Variants in SYNE2 observed in about 807,000 individuals in gnomAD.
The protein encoded by SYNE2 is nesprin-2.
A neutral mutation model predicts 856.3 loss-of-function variants in SYNE2; 431 were observed. The observed-to-expected ratio is 0.50, with a 90% CI of 0.47 to 0.55. SYNE2 has a LOEUF of 0.55. Among genes scored for constraint, SYNE2 ranks in the 20% least tolerant of loss-of-function variants. The pLI, the probability that SYNE2 is intolerant of heterozygous loss-of-function variation, is 0.00. For synonymous variants in SYNE2, 2,923 were observed against 2,872.3 expected (o/e 1.02, Z -0.56); for missense variants, 8,129 against 8,023.2 (o/e 1.01, Z -0.50).
In SYNE2 at chr14:64,126,430, T is replaced by C. The variant is rs752991102; in HGVS notation, c.13658T>C (p.Met4553Thr). The change falls in exon 72 of 116, where the codon ATG becomes ACG. Residue 4553 changes from methionine to threonine, a missense_variant. Met to Thr is a moderately conservative substitution (Grantham distance 81, BLOSUM62 -1). Transcript: ENST00000555002. ...CLSSVEEMLE[M>T]PRLYREDGSG... ...AGCAGTGTGGAGGAGATGCTGGAGA[T>C]GCCCAGACTTTACAGGGAGGATGGT... 1 of 1,614,162 alleles carries C rather than the reference T, an allele frequency of 6.2e-7. No individual in the cohort carries two copies. Among genetic ancestry groups the C allele is most frequent in the South Asian group, 1.1e-5 (1 of 91,088 alleles).
intron 1 of SYNE2, among the ~76,000 whole-genome samples, chr14:63,844,554 A>G (rs888632548): frequency 5.3e-5 from 8 of 152,236 alleles, no homozygotes; most frequent in African/African-American, 1.7e-4. Context: ...GATTACATAA[A>G]GTATTTTTAA....
At chr14:64,049,487 T>G in intron 46 of SYNE2, 124 bp from the exon 47 acceptor site, 1 of 750,088 alleles carries the variant, frequency 1.3e-6, no homozygotes, top group Non-Finnish European at 2.2e-6. Flanking sequence ...TTAGTTACCC[T>G]GTGTGCAAAT....
intron 64 of SYNE2, 44 bp downstream of exon 64, chr14:64,102,086 C>T (rs1567304154): frequency 1.5e-6 from 2 of 1,310,274 alleles, no homozygotes; most frequent in Non-Finnish European, 1.1e-6. Flanking sequence ...TACGAGGGCC[C>T]AGGGGGGAGC....
chr14:64,203,099 G>C, intron 100 of SYNE2, 136 bp downstream of exon 100: 4 of 1,144,156 alleles, frequency 3.5e-6, no homozygotes, highest in Non-Finnish European at 3.8e-6. Flanking sequence ...AGAGAAAACT[G>C]ACCACCTTTC....
At position 64,121,097 on chromosome 14, in the gene SYNE2, T is replaced by C; in HGVS notation, c.13158+36T>C. 5 of 1,613,108 alleles carry C rather than the reference T, an allele frequency of 3.1e-6. No individual in the cohort carries two copies. In the South Asian group the frequency reaches 4.4e-5, roughly 14 times the overall value. ...CCCCCAACAGTTGTAGGGACTAGAATATAACTTTTTAACCAGGCAAGGTGG... is the reference window on the plus strand; with the variant it reads ...CCCCCAACAGTTGTAGGGACTAGAACATAACTTTTTAACCAGGCAAGGTGG... On this transcript the variant is annotated intron_variant, in intron 68 of 115. Transcript: ENST00000555002.
intron 99 of SYNE2, among the ~76,000 whole-genome samples, chr14:64,199,063 T>C (rs1297360846): frequency 6.6e-6 from 1 of 152,196 alleles, no homozygotes; most frequent in Non-Finnish European, 1.5e-5. Context: ...AAGAAAATCA[T>C]GGAGGGGAAA....
At chr14:63,837,369 T>C (rs964382658) in intron 1 of SYNE2, among the ~76,000 whole-genome samples, 6 of 152,208 alleles carry the variant, frequency 3.9e-5, no homozygotes, top group African/African-American at 1.4e-4. Context: ...GTGTATATCT[T>C]TGTGACTTTG....
At chr14:64,040,963 G>C (rs1454392389) in intron 45 of SYNE2, among the ~76,000 whole-genome samples, 1 of 151,916 alleles carries the variant, frequency 6.6e-6, no homozygotes, top group African/African-American at 2.4e-5. Context: ...GAATCTTAAA[G>C]GCAACTAGAG....
chr14:64,082,041 G>T (rs565401445), intron 57 of SYNE2, among the ~76,000 whole-genome samples: 1 of 151,514 alleles, frequency 6.6e-6, no homozygotes, highest in African/African-American at 2.4e-5. Flanking sequence ...AGCCGAGATC[G>T]CACCACTGCA....
At chr14:63,974,894 A>ATATATATGTG (rs1724747051) in intron 11 of SYNE2, among the ~76,000 whole-genome samples, 1 of 22,644 alleles carries the variant, frequency 4.4e-5, no homozygotes, top group African/African-American at 2.3e-4. Flanking sequence ...GTGTGTGTGT[A>ATATATATGTG]TATATATATA....
intron 6 of SYNE2, among the ~76,000 whole-genome samples, chr14:63,945,106 T>C (rs1360381381): frequency 4.2e-4 from 6 of 14,414 alleles, no homozygotes; most frequent in Admixed American, 8.6e-4. Flanking sequence ...CACCTGGCCT[T>C]TTTTTTTTTT....
intron 21 of SYNE2, 41 bp from the exon 22 acceptor site, chr14:63,993,794 G>T (rs762927806): frequency 6.4e-7 from 1 of 1,571,806 alleles, no homozygotes; most frequent in East Asian, 2.3e-5. Context: ...GCAGTAGAAT[G>T]AGGCTTTTAT....
At position 64,212,047 on chromosome 14, in the gene SYNE2, C is replaced by T. The variant is rs750950612; in HGVS notation, c.18810C>T (p.Asn6270=). 1.8e-5 allele frequency: 29 copies of T among 1,614,038 alleles called. No individual in the cohort carries two copies. In the South Asian group the frequency reaches 2.0e-4, roughly 11 times the overall value. The change falls in exon 104 of 116, where the codon AAC becomes AAT. Residue 6270 remains asparagine (N), a synonymous_variant. Transcript: ENST00000555002. ...CAGAGATGGACCTGCAGCTGACCAA[C>T]GTGGAGCACTTCTCAGAGAGTGACG... ...WLTEMDLQLT[N]VEHFSESDAD... is the part of the protein sequence containing the mutation.
At chr14:64,147,886 G>C (rs908636762) in intron 84 of SYNE2, among the ~76,000 whole-genome samples, 1 of 152,204 alleles carries the variant, frequency 6.6e-6, no homozygotes, top group Non-Finnish European at 1.5e-5. Context: ...AAGGCAACAG[G>C]CTATGCCCAG....
At chr14:64,072,965 T>TGGAAGAGGTGCCTAAGGCATGGTATA (rs1480190115) in intron 52 of SYNE2, among the ~76,000 whole-genome samples, 5 of 152,076 alleles carry the variant, frequency 3.3e-5, no homozygotes, top group African/African-American at 1.2e-4. Flanking sequence ...AACAGCCAGA[T>TGGAAGAGGTGCCTAAGGCATGGTATA]GGAAGAGGTG....
chr14:64,164,726 G>A (rs945763742), intron 89 of SYNE2, among the ~76,000 whole-genome samples: 3 of 152,176 alleles, frequency 2.0e-5, no homozygotes, highest in Non-Finnish European at 4.4e-5. Context: ...GGTCTCCTCA[G>A]GCGGGTGATC....
Position 64,087,779 on chromosome 14 carries a change from C to G in SYNE2, c.11593C>G (p.Gln3865Glu). 6.2e-7 allele frequency: 1 copy of G among 1,614,072 alleles called. No homozygotes were observed. Among genetic ancestry groups the G allele is most frequent in the South Asian group, 1.1e-5 (1 of 91,088 alleles). ...AACAGATGAATTAACCCAATCCATA[C>G]AAGAGTTAAGTAATCAAGTAACAGC... ...FETDELTQSIQELSNQVTALQ... is the reference protein window; with the variant it reads ...FETDELTQSIEELSNQVTALQ... Residue 3865 changes from glutamine to glutamate, a missense_variant, in exon 58 of 116, where the codon CAA becomes GAA. Physicochemically the swap from Gln to Glu is conservative, Grantham distance 29. Coordinates refer to ENST00000555002, the MANE Select transcript of SYNE2 (RefSeq NM_182914.3).
At chr14:64,055,802 A>G (rs1320090685) in intron 48 of SYNE2, 142 bp from the exon 49 acceptor site, 2 of 583,652 alleles carry the variant, frequency 3.4e-6, no homozygotes, top group African/African-American at 3.8e-5. Flanking sequence ...CACATTGTGC[A>G]CATGTACCCT....
Position 64,158,730 on chromosome 14 carries a change from A to G in SYNE2, c.15898A>G (p.Met5300Val). The change falls in exon 86 of 116, where the codon ATG becomes GTG. Residue 5300 changes from methionine (M) to valine (V), a missense_variant. Physicochemically the swap from Met to Val is conservative, Grantham distance 21. This residue lies in a region of SYNE2 where 5,410 missense variants were observed against 5,284.8 expected (regional missense o/e 1.02). Coordinates refer to ENST00000555002, the MANE Select transcript of SYNE2 (RefSeq NM_182914.3). The stretch of plus-strand genomic sequence containing the variant: ...GATGACAATCCGATTCTGGTACTGC[A>G]TGGAACACAGCAAGCCTGTGGTGTT... The part of the protein sequence containing the change: ...NMMTIRFWYC[M>V]EHSKPVVLSL... 1.9e-6 allele frequency: 3 copies of G among 1,614,072 alleles called. No individual in the cohort carries two copies. Among genetic ancestry groups the G allele is most frequent in the Non-Finnish European group, 2.5e-6 (3 of 1,179,942 alleles).
Sources: allele counts gnomAD v4.1 joint callset (sites outside exome capture counted in the v4.1 genomes callset), GRCh38; gene constraint gnomAD v4.1.1; regional missense constraint gnomAD v4.1.1; transcripts MANE v1.5; gene names NCBI Gene and HGNC (gene_info 2026-07-23, HGNC 2026-07-21).